Variants in VWA5A observed in about 807,000 individuals in gnomAD.
VWA5A encodes the protein von Willebrand factor A domain containing 5A.
Under a neutral mutation model 84.6 loss-of-function variants are expected in VWA5A, and 77 were observed. The ratio of observed to expected loss-of-function variants is 0.91; its 90% CI spans 0.76 to 1.10. The LOEUF (loss-of-function observed/expected upper bound fraction) is 1.10. VWA5A is among the 50% of genes least tolerant of loss of function. The pLI is 0.00. For synonymous variants in VWA5A, 334 were observed against 350.1 expected, an observed-to-expected ratio of 0.95 and a Z score of 0.51; for missense variants, 973 against 963.0, an observed-to-expected ratio of 1.01 and a Z score of -0.14.
intron 11 of VWA5A, among the ~76,000 whole-genome samples, chr11:124,134,241 G>A (rs1865139682): frequency 6.6e-6 from 1 of 152,142 alleles, no homozygotes; most frequent in African/African-American, 2.4e-5. Context: ...CACTAGACTT[G>A]GGGATGATGG....
At chr11:124,145,527 T>G (rs61475401) in intron 18 of VWA5A, among the ~76,000 whole-genome samples, 164 bp downstream of exon 18, 1 of 151,688 alleles carries the variant, frequency 6.6e-6, no homozygotes. Context: ...AATATTAAAT[T>G]GGGGACAAGG....
At chr11:124,118,118 C>T (rs980588114) in intron 4 of VWA5A, 71 bp from the exon 5 acceptor site, 1 of 1,519,040 alleles carries the variant, frequency 6.6e-7, no homozygotes, top group Non-Finnish European at 8.9e-7. Context: ...CTCTGCACTG[C>T]TCGTCTCTTT....
At position 124,118,709 on chromosome 11, in the gene VWA5A, G is replaced by C; in HGVS notation, c.645+1G>C. On this transcript the variant is annotated splice_donor_variant, in intron 6 of 18. Transcript: ENST00000456829. LOFTEE classifies it high-confidence loss of function. ...AGGAGAGGACAAGACTTCTGCTCAG[G>C]TAGTTAATGAGAGAATACTGCTATT... 6.2e-7 allele frequency: 1 copy of C among 1,612,672 alleles called. No individual in the cohort carries two copies.
chr11:124,132,225 A>G (rs187767368), intron 11 of VWA5A, among the ~76,000 whole-genome samples: 73 of 152,174 alleles, frequency 4.8e-4, no homozygotes, highest in African/African-American at 1.5e-3. Context: ...TCTCTTTCAT[A>G]TATTTTTTCA....
rs191322822 is a variant in VWA5A, at chr11:124,127,314, A to G, written c.1244+2998A>G. Among the ~76,000 whole-genome samples the G allele has an allele frequency of 1.9e-4, 29 of 152,156 alleles. No individual in the cohort carries two copies. The East Asian group carries it at 5.2e-3, about 27-fold the overall frequency. ...AGTTTGCTGAGAATGATGGTTTCCA[A>G]CTTCATCCGTGTCCCTGCAAAGGAC... is the stretch of plus-strand genomic sequence containing the variant. On this transcript the variant is annotated intron_variant, in intron 11 of 18. Coordinates refer to ENST00000456829, the MANE Select transcript of VWA5A (RefSeq NM_001130142.2).
At chr11:124,116,208 C>T (rs1387156559) in intron 1 of VWA5A, 1 of 152,316 alleles carries the variant, frequency 6.6e-6, no homozygotes, top group Non-Finnish European at 1.5e-5. Flanking sequence ...AGATTCATGG[C>T]TTTCAGCTTG....
rs374385035 is a variant in VWA5A, at chr11:124,142,402, T to G, written c.2024-40T>G. 23 of 1,609,958 alleles carry G rather than the reference T, an allele frequency of 1.4e-5. No homozygotes were observed. The African/African-American group carries it at 1.9e-4, about 13-fold the overall frequency. Reference sequence around the variant, plus strand: ...TCAAGTGTGCTGAGGTGCCGATAGCTCCACAATTTCTCATTCTTCTCTTTT... The same window carrying G: ...TCAAGTGTGCTGAGGTGCCGATAGCGCCACAATTTCTCATTCTTCTCTTTT... On this transcript the variant is annotated intron_variant, in intron 16 of 18. Coordinates refer to ENST00000456829, the MANE Select transcript of VWA5A (RefSeq NM_001130142.2).
At chr11:124,128,393 C>T (rs975310060) in intron 11 of VWA5A, among the ~76,000 whole-genome samples, 2 of 152,148 alleles carry the variant, frequency 1.3e-5, no homozygotes, top group African/African-American at 2.4e-5. Context: ...GGTACCAGTA[C>T]CATGCCGTTT....
Position 124,123,144 on chromosome 11 carries a change from T to C in VWA5A, c.930+15T>C. 6.2e-7 allele frequency: 1 copy of C among 1,605,922 alleles called. No individual in the cohort carries two copies. Among genetic ancestry groups the C allele is most frequent in the East Asian group, 2.2e-5 (1 of 44,864 alleles). On this transcript the variant is annotated intron_variant, in intron 8 of 18. Coordinates refer to ENST00000456829, the MANE Select transcript of VWA5A (RefSeq NM_001130142.2). ...AGGCAGCCAAGGTAAAGCTAGTTTC[T>C]TTCCTCTTCTGGGTCACATGCTCAA...
chr11:124,142,699 T>A, intron 17 of VWA5A, 127 bp downstream of exon 17: 2 of 1,270,846 alleles, frequency 1.6e-6, no homozygotes, highest in Non-Finnish European at 2.1e-6. Context: ...TAATTTGTAA[T>A]AAATAGAGGC....
intron 10 of VWA5A, 80 bp downstream of exon 10, chr11:124,123,884 T>C: frequency 1.4e-6 from 2 of 1,477,274 alleles, no homozygotes; most frequent in South Asian, 2.9e-5. Flanking sequence ...CTTCATGCAG[T>C]ATGTTGAAAT....
intron 16 of VWA5A, among the ~76,000 whole-genome samples, chr11:124,142,212 C>G (rs1374846405): frequency 6.6e-6 from 1 of 152,202 alleles, no homozygotes; most frequent in African/African-American, 2.4e-5. Context: ...TGCGGGCTGC[C>G]CTCGCCCCCC....
At position 124,136,195 on chromosome 11, in the gene VWA5A, C is replaced by T; in HGVS notation, c.1426C>T (p.Pro476Ser). The change falls in exon 13 of 19, where the codon CCT becomes TCT. Residue 476 changes from proline (P) to serine (S), a missense_variant. Physicochemically the swap from Pro to Ser is moderately conservative, Grantham distance 74. Transcript: ENST00000456829. The stretch of plus-strand genomic sequence containing the variant: ...GGATGTCTCTCTGAGCTGGCATTTG[C>T]CTCCTGGTCTGTCTGCTAAAATGCT... ...VEDVSLSWHL[P>S]PGLSAKMLSP... is the part of the protein sequence containing the mutation. 6.2e-7 allele frequency: 1 copy of T among 1,614,166 alleles called. No individual in the cohort carries two copies. The highest frequency in any genetic ancestry group is 8.5e-7 in the Non-Finnish European group (1 of 1,180,038).
rs1228780942 is a variant in VWA5A, at chr11:124,147,125, T to C, written c.*1180T>C. ...TATTGAACTTACATTGGTTTTATTG[T>C]CCCTTGTTTTCTGTTCCAGCTTTTC... On this transcript the variant is annotated 3_prime_UTR_variant, in exon 19 of 19. Transcript: ENST00000456829. 6.2e-6 allele frequency: 1 copy of C among 160,094 alleles called. No homozygotes were observed. Among genetic ancestry groups the C allele is most frequent in the East Asian group, 1.9e-4 (1 of 5,196 alleles). The allele number at this position is 160,094 out of a possible 1,614,324, so 9.9% of individuals were successfully genotyped here. A position where few individuals can be genotyped will look rare whatever the true frequency, so the allele number is the denominator to read the frequency against.
At position 124,145,316 on chromosome 11, in the gene VWA5A, G is replaced by C. The variant is rs1027117515; in HGVS notation, c.2234G>C (p.Trp745Ser). Residue 745 changes from tryptophan (W) to serine (S), a missense_variant, in exon 18 of 19, where the codon TGG becomes TCG. By Grantham distance (177) the Trp-to-Ser change is radical (BLOSUM62 -3). Transcript: ENST00000456829. ...AATGGTAAGGACTTGAAGTGTGAATGGGAGCTTCTGGAAAGGAAGGCCGTG... is the reference window on the plus strand; with the variant it reads ...AATGGTAAGGACTTGAAGTGTGAATCGGAGCTTCTGGAAAGGAAGGCCGTG... ...HSNGKDLKCE[W>S]ELLERKAVAW... The C allele has an allele frequency of 1.9e-6, 3 of 1,613,834 alleles. No homozygotes were observed. The highest frequency in any genetic ancestry group is 2.5e-6 in the Non-Finnish European group (3 of 1,179,834).
Position 124,134,326 on chromosome 11 carries a change from G to A in VWA5A, c.1245-594G>A, listed in dbSNP as rs60402104. ...TTACAATGAAAACTCTGTCTGTCAT[G>A]CCTTCCAAAAGCGCCTGTGCTAGTA... On this transcript the variant is annotated intron_variant, in intron 11 of 18. Coordinates refer to ENST00000456829, the MANE Select transcript of VWA5A (RefSeq NM_001130142.2). Among the ~76,000 whole-genome samples, 24 of 152,286 alleles carry A rather than the reference G, an allele frequency of 1.6e-4. No homozygotes were observed. The East Asian group carries it at 4.4e-3, about 28-fold the overall frequency.
At position 124,123,664 on chromosome 11, in the gene VWA5A, A is replaced by C. The variant is rs1279503917; in HGVS notation, c.1024A>C (p.Ser342Arg). The change falls in exon 10 of 19, where the codon AGT (serine) becomes CGT (arginine). Residue 342 changes from serine (S) to arginine (R), a missense_variant. Ser to Arg is a moderately radical substitution (Grantham distance 110). Transcript: ENST00000456829. ...GGGTGTGTTTGTTTTTCTCAGGGAG[A>C]GTGTGAAGTACACTCAGCAAACAAT... Reference protein sequence around the residue: ...GSSYEACFPESVKYTQQTMEE... With the variant: ...GSSYEACFPERVKYTQQTMEE... 16 of 1,613,836 alleles carry C rather than the reference A, an allele frequency of 9.9e-6. No individual in the cohort carries two copies. The highest frequency in any genetic ancestry group is 1.3e-5 in the Non-Finnish European group (15 of 1,180,014).
rs775562580 is a variant in VWA5A, at chr11:124,137,234, T to C, written c.1845T>C (p.Gly615=). The C allele has an allele frequency of 1.2e-6, 2 of 1,614,156 alleles. No homozygotes were observed. Among genetic ancestry groups the C allele is most frequent in the South Asian group, 2.2e-5 (2 of 91,078 alleles). The change falls in exon 15 of 19, where the codon GGT becomes GGC. Residue 615 remains glycine (G), a synonymous_variant. Coordinates refer to ENST00000456829, the MANE Select transcript of VWA5A (RefSeq NM_001130142.2). ...ACGTCCCAAGGCCAATTCTGTTGGG[T>C]GCTTCTGCCCCATTGAAGATAAAAT... ...HRDVPRPILL[G]ASAPLKIKCQ...
At position 124,123,799 on chromosome 11, in the gene VWA5A, C is replaced by T. The variant is rs561453621; in HGVS notation, c.1159C>T (p.Leu387=). The T allele has an allele frequency of 2.5e-6, 4 of 1,570,388 alleles. No individual in the cohort carries two copies. Among genetic ancestry groups the T allele is most frequent in the Non-Finnish European group, 3.4e-6 (4 of 1,163,266 alleles). Residue 387 remains leucine (L), a synonymous_variant, in exon 10 of 19, where the codon CTA becomes TTA. Coordinates refer to ENST00000456829, the MANE Select transcript of VWA5A (RefSeq NM_001130142.2). Reference sequence around the variant, plus strand: ...GGGACCCTCCATCCCAGGCCACCCCCTACAGGTAAGAAGTGGAACAGAGCT... The same window carrying T: ...GGGACCCTCCATCCCAGGCCACCCCTTACAGGTAAGAAGTGGAACAGAGCT... ...YRGPSIPGHP[L]QLFVFTDGEV...
Sources: allele counts gnomAD v4.1 joint callset (sites outside exome capture counted in the v4.1 genomes callset), GRCh38; gene constraint gnomAD v4.1.1; transcripts MANE v1.5; gene names NCBI Gene and HGNC (gene_info 2026-07-23, HGNC 2026-07-21).